ARB2A: variants seen among roughly 807,000 people sequenced by gnomAD.
ARB2A encodes the protein ARB2 cotranscriptional regulator A.
chr5:93,845,921 A>G, the ARB2A span, among the ~76,000 whole-genome samples: 2 of 152,290 alleles, frequency 1.3e-5, no homozygotes, highest in African/African-American at 4.8e-5. Context: ...CTGTCTCCAA[A>G]GAATTAATGA....
At chr5:94,073,882 C>G in the ARB2A span, among the ~76,000 whole-genome samples, 1 of 152,052 alleles carries the variant, frequency 6.6e-6, no homozygotes, top group African/African-American at 2.4e-5. Flanking sequence ...GGTCAAATGA[C>G]CTCCACATGG....
chr5:94,059,180 G>GA, the ARB2A span, among the ~76,000 whole-genome samples: 91 of 142,742 alleles, frequency 6.4e-4, no homozygotes, highest in East Asian at 2.7e-3. Context: ...AGAACTGAGG[G>GA]AAAAAAAAAA....
chr5:94,106,891 A>C, the ARB2A span, among the ~76,000 whole-genome samples: 318 of 151,068 alleles, frequency 2.1e-3, no homozygotes, highest in African/African-American at 7.4e-3. Context: ...AAAAAAAAAA[A>C]ACAAATACCA....
At chr5:93,854,212 C>T in the ARB2A span, among the ~76,000 whole-genome samples, 3 of 152,164 alleles carry the variant, frequency 2.0e-5, no homozygotes, top group Admixed American at 6.5e-5. Flanking sequence ...AGAAATTTAT[C>T]CATTTCTTCT....
chr5:93,637,362 T>G, the ARB2A span, among the ~76,000 whole-genome samples: 1 of 149,616 alleles, frequency 6.7e-6, no homozygotes, highest in Non-Finnish European at 1.5e-5. Context: ...TAGTTTTTTT[T>G]TTTTTTTTTT....
At chr5:93,696,083 T>A in the ARB2A span, among the ~76,000 whole-genome samples, 1 of 152,040 alleles carries the variant, frequency 6.6e-6, no homozygotes. Context: ...ATACTTAATG[T>A]AGATGACGGG....
the ARB2A span, among the ~76,000 whole-genome samples, chr5:93,814,037 T>A: frequency 6.6e-6 from 1 of 152,192 alleles, no homozygotes; most frequent in Non-Finnish European, 1.5e-5. Flanking sequence ...GGCCACAGAC[T>A]GTACCTTCTG....
the ARB2A span, among the ~76,000 whole-genome samples, chr5:94,042,175 T>C: frequency 6.6e-6 from 1 of 152,220 alleles, no homozygotes; most frequent in Non-Finnish European, 1.5e-5. Flanking sequence ...AAAATTAATC[T>C]CGTAAAAAAA....
chr5:93,827,928 A>T, the ARB2A span, among the ~76,000 whole-genome samples: 2 of 152,100 alleles, frequency 1.3e-5, no homozygotes, highest in African/African-American at 4.8e-5. Context: ...GTTATTTCTG[A>T]GGGCTCTGTT....
the ARB2A span, chr5:93,741,044 C>T: frequency 1.9e-6 from 3 of 1,613,874 alleles, no homozygotes; most frequent in Middle Eastern, 1.6e-4. Flanking sequence ...ATGTTGGCGA[C>T]GCTTAGCTGC....
the ARB2A span, among the ~76,000 whole-genome samples, chr5:93,653,828 T>C: frequency 2.8e-4 from 43 of 152,204 alleles, no homozygotes; most frequent in Non-Finnish European, 5.0e-4. Flanking sequence ...CTCTAAATTA[T>C]AGACACAGAA....
the ARB2A span, among the ~76,000 whole-genome samples, chr5:93,800,648 A>G: frequency 6.6e-6 from 1 of 152,174 alleles, no homozygotes; most frequent in Admixed American, 6.6e-5. Context: ...CTTAGAGATT[A>G]CAGGTGGTGC....
chr5:93,870,332 G>A, the ARB2A span, among the ~76,000 whole-genome samples: 1 of 152,152 alleles, frequency 6.6e-6, no homozygotes, highest in African/African-American at 2.4e-5. Context: ...AGTCCTACCC[G>A]ATTCGATTTC....
At chr5:93,913,889 C>A in the ARB2A span, among the ~76,000 whole-genome samples, 2 of 151,834 alleles carry the variant, frequency 1.3e-5, no homozygotes. Context: ...TTTAATCACA[C>A]CAATTTAATG....
the ARB2A span, among the ~76,000 whole-genome samples, chr5:93,887,776 T>C: frequency 6.6e-6 from 1 of 151,916 alleles, no homozygotes; most frequent in Non-Finnish European, 1.5e-5. Flanking sequence ...CTGAATTAGA[T>C]GCAGAATACT....
At chr5:93,995,247 T>C in the ARB2A span, among the ~76,000 whole-genome samples, 1 of 152,232 alleles carries the variant, frequency 6.6e-6, no homozygotes, top group Non-Finnish European at 1.5e-5. Context: ...CATATGATGC[T>C]AACCATCTCC....
At chr5:93,951,993 A>T in the ARB2A span, among the ~76,000 whole-genome samples, 1 of 152,182 alleles carries the variant, frequency 6.6e-6, no homozygotes, top group Non-Finnish European at 1.5e-5. Flanking sequence ...GTCACACATG[A>T]TCTGTATCAC....
At chr5:94,078,288 G>C in the ARB2A span, among the ~76,000 whole-genome samples, 3 of 152,106 alleles carry the variant, frequency 2.0e-5, no homozygotes, top group Non-Finnish European at 2.9e-5. Context: ...TAGCCCTAAA[G>C]ATTCTATGCT....
At chr5:93,885,618 G>T in the ARB2A span, among the ~76,000 whole-genome samples, 17 of 151,678 alleles carry the variant, frequency 1.1e-4, no homozygotes, top group Admixed American at 1.1e-3. Context: ...TTTGATCACA[G>T]TCTAGTAGAA....
Sources: gnomAD v4.1 joint callset for allele counts (sites outside exome capture counted in the v4.1 genomes callset) on GRCh38, gnomAD v4.1.1 for gene constraint, MANE v1.5 for transcripts, NCBI Gene and HGNC (gene_info 2026-07-23, HGNC 2026-07-21) for gene names.